Variants in PDE10A observed in about 807,000 individuals in gnomAD.
PDE10A encodes phosphodiesterase 10A, also known as cAMP and cAMP-inhibited cGMP 3',5'-cyclic phosphodiesterase 10A.
In PDE10A, 39 loss-of-function variants were observed where a neutral mutation model predicts 97.7. The ratio of observed to expected loss-of-function variants is 0.40; its 90% CI spans 0.31 to 0.52. The LOEUF is 0.52. Among genes scored for constraint, PDE10A ranks in the 20% least tolerant of loss-of-function variants. The pLI, the probability that PDE10A is intolerant of heterozygous loss-of-function variation, is 0.56. For synonymous variants in PDE10A, 371 were observed against 376.8 expected (o/e 0.98, Z 0.18); for missense variants, 731 against 1,047.8 (o/e 0.70, Z 4.17).
chr6:165,932,070 C>T (rs972775519), intron 1 of PDE10A, among the ~76,000 whole-genome samples: 3 of 152,062 alleles, frequency 2.0e-5, no homozygotes, highest in African/African-American at 4.8e-5. Flanking sequence ...CAAGCTAGTG[C>T]CGGTCCCAGG....
chr6:165,484,164 G>A lies in PDE10A; in HGVS notation c.995-1821C>T, dbSNP rs1383130824. Among the ~76,000 whole-genome samples the A allele has an allele frequency of 2.6e-5, 4 of 152,204 alleles. No individual in the cohort carries two copies. The East Asian group carries it at 7.7e-4, about 29-fold the overall frequency. The stretch of plus-strand genomic sequence containing the variant: ...GGGATTTCCTGTGTAAGGGAACATT[G>A]CCTCCTATTTCTTATAGTTGGAATT... On this transcript the variant is annotated intron_variant, in intron 2 of 21. Transcript: ENST00000539869.
chr6:165,510,302 G>A lies in PDE10A; in HGVS notation c.995-27959C>T, dbSNP rs376297073. 3.8e-4 allele frequency among the ~76,000 whole-genome samples: 58 copies of A among 151,758 alleles called. No homozygotes were observed. In the East Asian group the frequency reaches 8.7e-3, roughly 23 times the overall value. On this transcript the variant is annotated intron_variant, in intron 2 of 21. Coordinates refer to ENST00000539869, the MANE Select transcript of PDE10A (RefSeq NM_001385079.1). ...TAAATGAGATGATCATATGGTTTTC[G>A]TCCTTCATTCAACTGATGTATCATG... is the stretch of plus-strand genomic sequence containing the variant.
At chr6:165,915,310 T>C (rs1367803628) in intron 1 of PDE10A, among the ~76,000 whole-genome samples, 2 of 152,192 alleles carry the variant, frequency 1.3e-5, no homozygotes, top group East Asian at 3.9e-4. Context: ...ATTGTAACGA[T>C]TTTTAAAAAA....
chr6:165,739,877 AATC>A (rs1427580787), intron 1 of PDE10A, among the ~76,000 whole-genome samples: 1 of 152,204 alleles, frequency 6.6e-6, no homozygotes, highest in Non-Finnish European at 1.5e-5. Flanking sequence ...CAACGTCTCT[AATC>A]ATCAGGGAAA....
intron 1 of PDE10A, among the ~76,000 whole-genome samples, chr6:165,792,250 G>A (rs776714244): frequency 6.6e-6 from 1 of 152,212 alleles, no homozygotes; most frequent in Non-Finnish European, 1.5e-5. Flanking sequence ...TCACCCCTAA[G>A]ATGAGTCACC....
intron 1 of PDE10A, among the ~76,000 whole-genome samples, chr6:165,584,362 G>A (rs531576946): frequency 6.6e-6 from 1 of 152,210 alleles, no homozygotes; most frequent in South Asian, 2.1e-4. Flanking sequence ...CCTGGAGGAG[G>A]TACTTTTCTT....
At chr6:165,351,193 C>A (rs1366252231) in intron 18 of PDE10A, among the ~76,000 whole-genome samples, 1 of 152,126 alleles carries the variant, frequency 6.6e-6, no homozygotes, top group Non-Finnish European at 1.5e-5. Context: ...TTGGTTGTTT[C>A]ATTTTTAAAA....
At chr6:165,484,292 G>C (rs1779771959) in intron 2 of PDE10A, among the ~76,000 whole-genome samples, 1 of 152,188 alleles carries the variant, frequency 6.6e-6, no homozygotes, top group African/African-American at 2.4e-5. Context: ...GAACACATAT[G>C]ATAGACAGTG....
At chr6:165,810,983 T>C (rs543370576) in intron 1 of PDE10A, among the ~76,000 whole-genome samples, 1 of 152,296 alleles carries the variant, frequency 6.6e-6, no homozygotes, top group Admixed American at 6.5e-5. Flanking sequence ...CCCAGCACTT[T>C]GGGAGGCCCA....
chr6:165,514,300 G>A (rs529553133), intron 2 of PDE10A, among the ~76,000 whole-genome samples: 109 of 152,218 alleles, frequency 7.2e-4, no homozygotes, highest in Non-Finnish European at 1.4e-3. Flanking sequence ...CACAGAAGAA[G>A]TTGAAATGCT....
At chr6:165,675,327 T>C (rs904881403) in intron 1 of PDE10A, among the ~76,000 whole-genome samples, 6 of 152,212 alleles carry the variant, frequency 3.9e-5, no homozygotes, top group Non-Finnish European at 7.3e-5. Context: ...AACGTTGGAC[T>C]GCATGCTGGA....
chr6:165,855,151 C>T (rs1780693045), intron 1 of PDE10A, among the ~76,000 whole-genome samples: 4 of 152,146 alleles, frequency 2.6e-5, no homozygotes, highest in Admixed American at 2.6e-4. Context: ...CCCGCCCAGA[C>T]CCTTTCCCGC....
At chr6:165,616,470 G>T (rs912752810) in intron 1 of PDE10A, among the ~76,000 whole-genome samples, 1 of 151,700 alleles carries the variant, frequency 6.6e-6, no homozygotes, top group Non-Finnish European at 1.5e-5. Flanking sequence ...TTAGAAAAAC[G>T]TTTTTTTTAG....
At chr6:165,356,417 A>G (rs1783031889) in intron 18 of PDE10A, among the ~76,000 whole-genome samples, 1 of 152,060 alleles carries the variant, frequency 6.6e-6, no homozygotes, top group Admixed American at 6.6e-5. Flanking sequence ...GGGTTGTTTT[A>G]TTATTGACTT....
intron 1 of PDE10A, among the ~76,000 whole-genome samples, chr6:165,793,650 G>A (rs1778722254): frequency 6.6e-6 from 1 of 152,204 alleles, no homozygotes; most frequent in South Asian, 2.1e-4. Flanking sequence ...ACCGCTGGGG[G>A]TCTCCCCACA....
intron 1 of PDE10A, among the ~76,000 whole-genome samples, chr6:165,753,610 G>GT (rs34744765): frequency 3.8e-4 from 58 of 151,880 alleles, no homozygotes; most frequent in Non-Finnish European, 6.5e-4. Flanking sequence ...AGTTTTTAGG[G>GT]TTTTTTTTCC....
intron 13 of PDE10A, among the ~76,000 whole-genome samples, chr6:165,406,957 T>C (rs1036523371): frequency 1.3e-5 from 2 of 152,112 alleles, no homozygotes; most frequent in African/African-American, 2.4e-5. Context: ...TGACTCAGGG[T>C]TACACCATCA....
At chr6:165,368,706 ACAGCTCTGAAGAGAG>A (rs1327074498) in intron 18 of PDE10A, among the ~76,000 whole-genome samples, 1 of 152,208 alleles carries the variant, frequency 6.6e-6, no homozygotes, top group Non-Finnish European at 1.5e-5. Flanking sequence ...TCCCTGTCTG[ACAGCTCTGAAGAGAG>A]CAGTGGTTCT....
intron 1 of PDE10A, among the ~76,000 whole-genome samples, chr6:165,736,135 T>C (rs1583014837): frequency 1.3e-5 from 2 of 152,298 alleles, no homozygotes; most frequent in Middle Eastern, 3.4e-3. Flanking sequence ...TTTAGTTACA[T>C]AGAAGGCACT....
Sources: allele counts gnomAD v4.1 joint callset (sites outside exome capture counted in the v4.1 genomes callset), GRCh38; gene constraint gnomAD v4.1.1; transcripts MANE v1.5; gene names NCBI Gene and HGNC (gene_info 2026-07-23, HGNC 2026-07-21).